The following PDZD2 variants were observed in gnomAD, a reference collection of about 807,000 sequenced individuals.
The protein encoded by PDZD2 is PDZ domain-containing protein 2.
A neutral mutation model predicts 220.7 loss-of-function variants in PDZD2; 90 were observed. The observed-to-expected ratio is 0.41, with a 90% CI of 0.34 to 0.49. PDZD2 has a LOEUF of 0.49. Among genes scored for constraint, PDZD2 ranks in the 20% least tolerant of loss-of-function variants. The pLI is 0.28. For missense variants in PDZD2, 3,174 were observed against 3,608.5 expected, an observed-to-expected ratio of 0.88 and a Z score of 3.08; for synonymous variants, 1,375 against 1,450.5, an observed-to-expected ratio of 0.95 and a Z score of 1.18.
Position 31,933,351 on chromosome 5 carries a change from C to T in PDZD2, c.477-49804C>T, listed in dbSNP as rs376679456. On this transcript the variant is annotated intron_variant, in intron 2 of 24. Transcript: ENST00000438447. ...CATCCATCAGTGGATGCTTAGATGGCTTCCACCTTTTGGTTATTGAGTGGA... is the reference window on the plus strand; with the variant it reads ...CATCCATCAGTGGATGCTTAGATGGTTTCCACCTTTTGGTTATTGAGTGGA... Among the ~76,000 whole-genome samples, 5 of 152,312 alleles carry T rather than the reference C, an allele frequency of 3.3e-5. No homozygotes were observed. In the East Asian group the frequency reaches 5.8e-4, roughly 18 times the overall value.
At chr5:31,880,391 G>A (rs1033756097) in intron 2 of PDZD2, among the ~76,000 whole-genome samples, 7 of 152,230 alleles carry the variant, frequency 4.6e-5, no homozygotes, top group Non-Finnish European at 1.0e-4. Context: ...GATTGCCCAT[G>A]TCTCAACATT....
intron 3 of PDZD2, among the ~76,000 whole-genome samples, chr5:31,986,688 T>A (rs1013434280): frequency 3.9e-5 from 6 of 152,134 alleles, no homozygotes; most frequent in African/African-American, 1.4e-4. Flanking sequence ...ATTTGAATAA[T>A]GGGAGATTAA....
intron 2 of PDZD2, among the ~76,000 whole-genome samples, chr5:31,925,345 C>CA (rs371684713): frequency 0.012 from 1,856 of 148,504 alleles, 30 homozygotes; most frequent in African/African-American, 0.043. Context: ...ACAAAGTTAA[C>CA]AAAAAAAAAA....
intron 6 of PDZD2, among the ~76,000 whole-genome samples, chr5:32,022,214 T>C (rs1754273251): frequency 7.1e-6 from 1 of 141,552 alleles, no homozygotes. Flanking sequence ...TTTTTTGGAG[T>C]TGGGGGATGG....
chr5:31,710,792 G>A (rs1748056493), intron 1 of PDZD2, among the ~76,000 whole-genome samples: 1 of 149,816 alleles, frequency 6.7e-6, no homozygotes, highest in African/African-American at 2.5e-5. Context: ...CTCCAGCCTG[G>A]GCGACAAGAG....
intron 6 of PDZD2, among the ~76,000 whole-genome samples, chr5:32,016,923 G>A (rs1288081956): frequency 1.3e-5 from 2 of 152,170 alleles, no homozygotes; most frequent in East Asian, 1.9e-4. Flanking sequence ...CCTCCATGAG[G>A]TGGAGGCTCC....
chr5:31,911,859 AC>A (rs1263981819), intron 2 of PDZD2, among the ~76,000 whole-genome samples: 2 of 152,062 alleles, frequency 1.3e-5, no homozygotes, highest in East Asian at 3.9e-4. Context: ...ACAATGGGTG[AC>A]CCTTGCCGCC....
At chr5:31,953,740 T>G (rs1386996197) in intron 2 of PDZD2, among the ~76,000 whole-genome samples, 1 of 151,786 alleles carries the variant, frequency 6.6e-6, no homozygotes, top group Non-Finnish European at 1.5e-5. Context: ...CCGCAACCTC[T>G]GCCTCCCAGG....
chr5:31,749,854 G>A (rs1016883695), intron 1 of PDZD2, among the ~76,000 whole-genome samples: 5 of 152,094 alleles, frequency 3.3e-5, no homozygotes, highest in African/African-American at 7.2e-5. Flanking sequence ...CAGGTGAGCC[G>A]CGCGTGGCTT....
intron 7 of PDZD2, among the ~76,000 whole-genome samples, chr5:32,046,828 A>C (rs572279321): frequency 6.6e-6 from 1 of 152,270 alleles, no homozygotes; most frequent in South Asian, 2.1e-4. Flanking sequence ...AGACCACCTG[A>C]AGTTAGGAGT....
At position 31,646,975 on chromosome 5, in the gene PDZD2, T is replaced by C. The variant is rs1284112066; in HGVS notation, c.-361+7538T>C. On this transcript the variant is annotated intron_variant, in intron 1 of 24. Transcript: ENST00000438447. This position sits in a 1 kb window ranked among gnomAD's most constrained non-coding sequence, Gnocchi z 4.7. Reference sequence around the variant, plus strand: ...GGAAAGAATTGCATTAACTCCTCTCTGGACTTACTGCTCATCTTTAAAAAC... The same window carrying C: ...GGAAAGAATTGCATTAACTCCTCTCCGGACTTACTGCTCATCTTTAAAAAC... Among the ~76,000 whole-genome samples, 1 of 152,200 alleles carries C rather than the reference T, an allele frequency of 6.6e-6. No individual in the cohort carries two copies. The highest frequency in any genetic ancestry group is 1.5e-5 in the Non-Finnish European group (1 of 68,038).
chr5:31,804,203 T>A (rs536456325), intron 2 of PDZD2, among the ~76,000 whole-genome samples: 1 of 152,118 alleles, frequency 6.6e-6, no homozygotes, highest in Non-Finnish European at 1.5e-5. Flanking sequence ...TGCTAGACGA[T>A]GAAAAGCCAG....
chr5:31,787,555 A>G (rs1753450412), intron 1 of PDZD2: 1 of 152,184 alleles, frequency 6.6e-6, no homozygotes, highest in African/African-American at 2.4e-5. Context: ...TAATATCTTC[A>G]GGTAATAGAG....
chr5:31,882,880 G>C (rs181716023), intron 2 of PDZD2, among the ~76,000 whole-genome samples: 19 of 151,888 alleles, frequency 1.3e-4, no homozygotes, highest in African/African-American at 4.1e-4. Context: ...AATAACAAAA[G>C]TTAGCTGAGC....
At position 32,022,364 on chromosome 5, in the gene PDZD2, A is replaced by ATTTT. The variant is rs59655326; in HGVS notation, c.1407+11894_1407+11897dup. ...AGGCGCACACCGCCACTCACAGCTA[A>ATTTT]TTTTTTTTTTTTTTTGTATTTTAGT... On this transcript the variant is annotated intron_variant, in intron 6 of 24. Transcript: ENST00000438447. Among the ~76,000 whole-genome samples, 179 of 137,406 alleles carry ATTTT rather than the reference A, an allele frequency of 1.3e-3. 1 individual carries two copies. Among genetic ancestry groups the ATTTT allele is most frequent in the African/African-American group, 4.5e-3 (166 of 36,734 alleles). 90.1% of individuals were successfully genotyped at this position (137,406 alleles called of 152,430 possible). A position where few individuals can be genotyped will look rare whatever the true frequency, so the allele number is the denominator to read the frequency against.
rs70957998 is a variant in PDZD2 at position 32,025,591 on chromosome 5, C to CTTTTTTTTTTTT, written c.1408-11623_1408-11612dup. Among the ~76,000 whole-genome samples the CTTTTTTTTTTTT allele has an allele frequency of 3.8e-3, 254 of 67,504 alleles. 26 individuals carry two copies. The highest frequency in any genetic ancestry group is 0.014 in the African/African-American group (216 of 15,238). 44.3% of individuals were successfully genotyped at this position (67,504 alleles called of 152,430 possible). A position where few individuals can be genotyped will look rare whatever the true frequency, so the allele number is the denominator to read the frequency against. Reference sequence around the variant, plus strand: ...AGTGAGCCCAAATGTAACCATGATGCTTTTTTTTTTTTTTTTTTTTTTTTT... The same window carrying CTTTTTTTTTTTT: ...AGTGAGCCCAAATGTAACCATGATGCTTTTTTTTTTTTTTTTTTTTTTTTTTTTTTTTTTTTT... On this transcript the variant is annotated intron_variant, in intron 6 of 24. Transcript: ENST00000438447.
chr5:32,001,029 A>T (rs1752066652), intron 5 of PDZD2, among the ~76,000 whole-genome samples: 1 of 152,210 alleles, frequency 6.6e-6, no homozygotes, highest in African/African-American at 2.4e-5. Context: ...CACACGCAAC[A>T]GATCTAGGTT....
At chr5:31,931,727 G>C (rs1300679374) in intron 2 of PDZD2, among the ~76,000 whole-genome samples, 1 of 152,210 alleles carries the variant, frequency 6.6e-6, no homozygotes, top group African/African-American at 2.4e-5. Flanking sequence ...AGGCAGCTCT[G>C]TCCACTAGAG....
intron 5 of PDZD2, among the ~76,000 whole-genome samples, chr5:32,006,247 T>C (rs1034994062): frequency 6.6e-6 from 1 of 152,152 alleles, no homozygotes; most frequent in African/African-American, 2.4e-5. Flanking sequence ...TTTATTACCT[T>C]TAGCTTATTA....
Sources: gnomAD v4.1 joint callset for allele counts (sites outside exome capture counted in the v4.1 genomes callset) on GRCh38, gnomAD v4.1.1 for gene constraint, Gnocchi (gnomAD v3.1) non-coding constraint, MANE v1.5 for transcripts, NCBI Gene and HGNC (gene_info 2026-07-23, HGNC 2026-07-21) for gene names.